MARCHF6: variants seen among roughly 807,000 people sequenced by gnomAD.
The protein encoded by MARCHF6 is membrane associated ring-CH-type finger 6.
MARCHF6 carries 31 observed loss-of-function variants against 133.7 expected under a neutral mutation model. The observed-to-expected ratio is 0.23, with a 90% CI of 0.17 to 0.31. The LOEUF (loss-of-function observed/expected upper bound fraction) is 0.31. Among genes scored for constraint, MARCHF6 ranks in the 10% least tolerant of loss-of-function variants. The pLI is 1.00. For synonymous variants in MARCHF6, 395 were observed against 402.5 expected, an observed-to-expected ratio of 0.98 and a Z score of 0.22; for missense variants, 723 against 1,121.6, an observed-to-expected ratio of 0.64 and a Z score of 5.08.
Position 10,391,448 on chromosome 5 carries a change from T to G in MARCHF6, c.577-94T>G, listed in dbSNP as rs1213710202. On this transcript the variant is annotated intron_variant, in intron 6 of 25. Coordinates refer to ENST00000274140, the MANE Select transcript of MARCHF6 (RefSeq NM_005885.4). ...ACACCTGGCCTAGGTTTTTTTTTTT[T>G]TTTTTTTTTTTTTTTTAGCAGGAAT... 1.7e-5 allele frequency: 9 copies of G among 536,136 alleles called. No individual in the cohort carries two copies. In the East Asian group the frequency reaches 2.3e-4, roughly 14 times the overall value. 33.2% of individuals were successfully genotyped at this position (536,136 alleles called of 1,614,324 possible).
intron 1 of MARCHF6, among the ~76,000 whole-genome samples, chr5:10,369,338 G>A (rs1736320874): frequency 6.6e-6 from 1 of 152,140 alleles, no homozygotes. Context: ...AAAAACGTGT[G>A]CTCATTGGGT....
intron 7 of MARCHF6, 95 bp from the exon 8 acceptor site, chr5:10,393,987 A>C: frequency 1.6e-6 from 1 of 616,120 alleles, no homozygotes; most frequent in Non-Finnish European, 2.6e-6. Context: ...ACAGCTTACA[A>C]AGTACTAAAT....
intron 5 of MARCHF6, 34 bp downstream of exon 5, chr5:10,387,100 G>GA: frequency 7.0e-7 from 1 of 1,436,890 alleles, no homozygotes. Flanking sequence ...AATGTTGCAT[G>GA]ATGTAGATGA....
chr5:10,354,151 G>T (rs1579504310), intron 1 of MARCHF6, among the ~76,000 whole-genome samples: 1 of 151,904 alleles, frequency 6.6e-6, no homozygotes, highest in Non-Finnish European at 1.5e-5. Flanking sequence ...GCAGGGGCCG[G>T]GGCCGGGGTC....
At chr5:10,367,045 C>A (rs543746342) in intron 1 of MARCHF6, among the ~76,000 whole-genome samples, 3 of 151,938 alleles carry the variant, frequency 2.0e-5, no homozygotes, top group African/African-American at 7.2e-5. Flanking sequence ...TTTTCCTTCC[C>A]AAAACCCATA....
intron 17 of MARCHF6, among the ~76,000 whole-genome samples, chr5:10,407,922 CT>C (rs1738998879): frequency 6.6e-6 from 1 of 151,084 alleles, no homozygotes; most frequent in Non-Finnish European, 1.5e-5. Context: ...TGCCATTGCA[CT>C]CCCACTTGGG....
chr5:10,435,527 A>G lies in MARCHF6; in HGVS notation c.*1843A>G, dbSNP rs2126391962. On this transcript the variant is annotated 3_prime_UTR_variant, in exon 26 of 26. Coordinates refer to ENST00000274140, the MANE Select transcript of MARCHF6 (RefSeq NM_005885.4). ...ACTCAGAAATTTAGTCCTACTATAAAAAATTAGGATTTTAAAATATAATGC... is the reference window on the plus strand; with the variant it reads ...ACTCAGAAATTTAGTCCTACTATAAGAAATTAGGATTTTAAAATATAATGC... 1 of 149,078 alleles carries G rather than the reference A, an allele frequency of 6.7e-6. No homozygotes were observed. The highest frequency in any genetic ancestry group is 2.1e-4 in the South Asian group (1 of 4,668). 9.2% of individuals were successfully genotyped at this position (149,078 alleles called of 1,614,324 possible).
At chr5:10,355,968 AATT>A (rs1403117703) in intron 1 of MARCHF6, among the ~76,000 whole-genome samples, 1 of 152,182 alleles carries the variant, frequency 6.6e-6, no homozygotes, top group Non-Finnish European at 1.5e-5. Context: ...TGTTTTATGA[AATT>A]ATTAGTCATG....
intron 1 of MARCHF6, among the ~76,000 whole-genome samples, chr5:10,370,162 G>A (rs555835158): frequency 1.5e-5 from 2 of 137,780 alleles, no homozygotes; most frequent in Admixed American, 7.8e-5. Flanking sequence ...GTGCAGTGGC[G>A]CCGTCATAGC....
chr5:10,366,006 C>T (rs1736120570), intron 1 of MARCHF6, among the ~76,000 whole-genome samples: 1 of 151,872 alleles, frequency 6.6e-6, no homozygotes, highest in Admixed American at 6.6e-5. Flanking sequence ...AATTTCGGTT[C>T]ACTGCAACCT....
At chr5:10,428,473 C>G (rs1740207243) in intron 24 of MARCHF6, among the ~76,000 whole-genome samples, 1 of 151,484 alleles carries the variant, frequency 6.6e-6, no homozygotes, top group South Asian at 2.1e-4. Context: ...TCTTGAGTAG[C>G]TGGGACTACT....
Position 10,400,821 on chromosome 5 carries a change from T to C in MARCHF6, c.951T>C (p.Val317=). The C allele has an allele frequency of 6.2e-7, 1 of 1,612,848 alleles. No homozygotes were observed. The highest frequency in any genetic ancestry group is 8.5e-7 in the Non-Finnish European group (1 of 1,178,960). Residue 317 remains valine (V), a synonymous_variant, in exon 11 of 26, where the codon GTT becomes GTC. Coordinates refer to ENST00000274140, the MANE Select transcript of MARCHF6 (RefSeq NM_005885.4). The part of the protein sequence containing the change: ...CPYHIGHFSL[V]GLGFEEHVQA... ...ACCATATTGGTCATTTCTCCCTTGTTGGTTTGGGATTTGAAGAACACGTGA... is the reference window on the plus strand; with the variant it reads ...ACCATATTGGTCATTTCTCCCTTGTCGGTTTGGGATTTGAAGAACACGTGA...
intron 24 of MARCHF6, among the ~76,000 whole-genome samples, chr5:10,428,551 A>G (rs1269660473): frequency 6.6e-6 from 1 of 152,030 alleles, no homozygotes; most frequent in Admixed American, 6.5e-5. Flanking sequence ...CATGTTGGCC[A>G]GGCTGGTCTT....
At chr5:10,396,077 G>C (rs1490250450) in intron 9 of MARCHF6, among the ~76,000 whole-genome samples, 1 of 152,190 alleles carries the variant, frequency 6.6e-6, no homozygotes, top group Non-Finnish European at 1.5e-5. Flanking sequence ...CCTTCGACAG[G>C]ATGAATTCAT....
intron 4 of MARCHF6, among the ~76,000 whole-genome samples, chr5:10,385,476 A>G (rs1469531003): frequency 6.6e-6 from 1 of 152,208 alleles, no homozygotes; most frequent in African/African-American, 2.4e-5. Flanking sequence ...AAAATTAAAT[A>G]CATCTGTAAT....
chr5:10,377,486 T>C (rs571743062), intron 1 of MARCHF6, among the ~76,000 whole-genome samples: 1 of 152,360 alleles, frequency 6.6e-6, no homozygotes, highest in South Asian at 2.1e-4. Flanking sequence ...ATTTTACATA[T>C]TTTTATTATT....
chr5:10,426,356 A>T, intron 23 of MARCHF6, 34 bp from the exon 24 acceptor site: 1 of 1,607,616 alleles, frequency 6.2e-7, no homozygotes, highest in Non-Finnish European at 8.5e-7. Flanking sequence ...TTTGTCTTGT[A>T]TCTTTGTTCT....
In MARCHF6 at chr5:10,436,120, G is replaced by GT. The variant is rs1399694425; in HGVS notation, c.*2440dup. On this transcript the variant is annotated 3_prime_UTR_variant, in exon 26 of 26. Transcript: ENST00000274140. ...GGTATAAAGTCATTGGAACATATCTGTTTTAACAGCAAGAGATCCTAGGCA... is the reference window on the plus strand; with the variant it reads ...GGTATAAAGTCATTGGAACATATCTGTTTTTAACAGCAAGAGATCCTAGGCA... The GT allele has an allele frequency of 6.6e-6, 1 of 152,090 alleles. No homozygotes were observed. Among genetic ancestry groups the GT allele is most frequent in the Non-Finnish European group, 1.5e-5 (1 of 68,024 alleles). 9.4% of individuals were successfully genotyped at this position (152,090 alleles called of 1,614,324 possible).
At chr5:10,416,932 C>G (rs1332847020) in intron 21 of MARCHF6, among the ~76,000 whole-genome samples, 1 of 152,222 alleles carries the variant, frequency 6.6e-6, no homozygotes, top group East Asian at 1.9e-4. Flanking sequence ...CAGAGCCCTC[C>G]CTGTATACCA....
Sources: allele counts gnomAD v4.1 joint callset (sites outside exome capture counted in the v4.1 genomes callset), GRCh38; gene constraint gnomAD v4.1.1; transcripts MANE v1.5; gene names NCBI Gene and HGNC (gene_info 2026-07-23, HGNC 2026-07-21).